KCNS3: variants seen among roughly 807,000 people sequenced by gnomAD.
KCNS3 encodes potassium voltage-gated channel modifier subfamily S member 3.
In KCNS3, 13 loss-of-function variants were observed where a neutral mutation model predicts 31.0. The ratio of observed to expected loss-of-function variants is 0.42; its 90% CI spans 0.27 to 0.67. The LOEUF (loss-of-function observed/expected upper bound fraction) is 0.67. Ranked by LOEUF, KCNS3 falls within the 30% of genes least tolerant of loss-of-function variation. KCNS3 has a pLI of 0.25. For missense variants in KCNS3, 545 were observed against 622.4 expected, an observed-to-expected ratio of 0.88 and a Z score of 1.32; for synonymous variants, 238 against 241.5, an observed-to-expected ratio of 0.99 and a Z score of 0.13.
chr2:17,909,829 G>A (rs1329381018), intron 1 of KCNS3, among the ~76,000 whole-genome samples: 1 of 152,194 alleles, frequency 6.6e-6, no homozygotes, highest in Non-Finnish European at 1.5e-5. Context: ...AATGATAGAG[G>A]GTGAGAGGAG....
intron 2 of KCNS3, among the ~76,000 whole-genome samples, chr2:17,922,372 A>G (rs920751408): frequency 2.0e-5 from 3 of 152,018 alleles, no homozygotes; most frequent in Admixed American, 6.6e-5. Context: ...TTTTTATTAT[A>G]ATTTTAAAAA....
chr2:17,913,392 A>G (rs1371645900), intron 1 of KCNS3, among the ~76,000 whole-genome samples: 1 of 152,270 alleles, frequency 6.6e-6, no homozygotes, highest in African/African-American at 2.4e-5. Context: ...TACCTGCAGA[A>G]AGCTGCAGCA....
intron 1 of KCNS3, among the ~76,000 whole-genome samples, chr2:17,907,386 G>A (rs1344211535): frequency 2.5e-4 from 38 of 152,198 alleles, no homozygotes; most frequent in East Asian, 3.9e-4. Context: ...TGAATACAGC[G>A]CACTGATGGG....
chr2:17,893,400 CGGATTA>C (rs1661905521), intron 1 of KCNS3, among the ~76,000 whole-genome samples: 1 of 152,230 alleles, frequency 6.6e-6, no homozygotes, highest in African/African-American at 2.4e-5. Flanking sequence ...GTCTGCATGC[CGGATTA>C]GGATTCGCAA....
chr2:17,922,186 A>C (rs1662732113), intron 2 of KCNS3, among the ~76,000 whole-genome samples: 1 of 151,468 alleles, frequency 6.6e-6, no homozygotes, highest in African/African-American at 2.4e-5. Context: ...ATTAGGCTTG[A>C]TTAGTGGGTT....
intron 1 of KCNS3, among the ~76,000 whole-genome samples, chr2:17,896,391 C>G (rs776470929): frequency 2.0e-5 from 3 of 151,926 alleles, no homozygotes; most frequent in Non-Finnish European, 4.4e-5. Flanking sequence ...TAGCCATCCA[C>G]GGAGGGGCAA....
At chr2:17,915,489 AAG>A (rs1474947260) in intron 1 of KCNS3, among the ~76,000 whole-genome samples, 1 of 152,018 alleles carries the variant, frequency 6.6e-6, no homozygotes, top group Non-Finnish European at 1.5e-5. Context: ...CCCAACAACT[AAG>A]AGGGATCTTG....
Position 17,931,921 on chromosome 2 carries a change from CG to C in KCNS3, c.915del (p.His306ThrfsTer3). The C allele has an allele frequency of 6.2e-7, 1 of 1,614,084 alleles. No individual in the cohort carries two copies. Among genetic ancestry groups the C allele is most frequent in the Non-Finnish European group, 8.5e-7 (1 of 1,180,002 alleles). ...MRIFRILKLA[R>X]HSVGLRSLGA... Reference sequence around the variant, plus strand: ...GATTTTCCGAATTCTAAAGCTTGCCCGGCACTCGGTAGGACTTCGGTCTCTA... The same window carrying C: ...GATTTTCCGAATTCTAAAGCTTGCCCGCACTCGGTAGGACTTCGGTCTCTA... On this transcript the variant is annotated frameshift_variant, in exon 3 of 3. Transcript: ENST00000304101. LOFTEE classifies it high-confidence loss of function. This position sits in a 1 kb window ranked among gnomAD's most constrained non-coding sequence, Gnocchi z 5.4.
At chr2:17,921,915 G>GTA (rs56064218) in intron 2 of KCNS3, among the ~76,000 whole-genome samples, 2,142 of 32,308 alleles carry the variant, frequency 0.066, 27 homozygotes, top group Non-Finnish European at 0.075. Context: ...GTGTGTGTGT[G>GTA]TATATATATA....
chr2:17,888,635 A>ATATCTATATCTATATC (rs1558446959), intron 1 of KCNS3, among the ~76,000 whole-genome samples: 2 of 28,520 alleles, frequency 7.0e-5, no homozygotes, highest in South Asian at 1.4e-3. Flanking sequence ...AAATGTATAT[A>ATATCTATATCTATATC]TATATATATA....
At position 17,932,955 on chromosome 2, in the gene KCNS3, T is replaced by C. The variant is rs1005788333; in HGVS notation, c.*471T>C. 1 of 164,864 alleles carries C rather than the reference T, an allele frequency of 6.1e-6. No individual in the cohort carries two copies. The highest frequency in any genetic ancestry group is 1.4e-5 in the Non-Finnish European group (1 of 69,510). The allele number at this position is 164,864 out of a possible 1,614,324, so 10.2% of individuals were successfully genotyped here. ...GCCTAATAAACTTCCTAATTCAGTA[T>C]GGAGAATGTCTTGGTTGTATGTTTT... On this transcript the variant is annotated 3_prime_UTR_variant, in exon 3 of 3. Coordinates refer to ENST00000304101, the MANE Select transcript of KCNS3 (RefSeq NM_002252.5).
intron 2 of KCNS3, among the ~76,000 whole-genome samples, chr2:17,930,150 G>C (rs1208908393): frequency 6.6e-6 from 1 of 152,180 alleles, no homozygotes; most frequent in Non-Finnish European, 1.5e-5. Flanking sequence ...ATAGATTAGG[G>C]CCACGTGGGG....
chr2:17,932,486 C>CG lies in KCNS3; in HGVS notation c.*7dup. ...TTGGAGAATTGCACAGCAAAATGAG[C>CG]GGGGGTGTTTGTGCCTGTTTCTCTT... On this transcript the variant is annotated 3_prime_UTR_variant, in exon 3 of 3. Coordinates refer to ENST00000304101, the MANE Select transcript of KCNS3 (RefSeq NM_002252.5). 2 of 1,602,606 alleles carry CG rather than the reference C, an allele frequency of 1.2e-6. No individual in the cohort carries two copies. Among genetic ancestry groups the CG allele is most frequent in the Non-Finnish European group, 1.7e-6 (2 of 1,174,464 alleles).
chr2:17,926,780 G>A (rs1434867003), intron 2 of KCNS3, among the ~76,000 whole-genome samples: 1 of 152,242 alleles, frequency 6.6e-6, no homozygotes, highest in African/African-American at 2.4e-5. Context: ...GTGGTGAAAG[G>A]GGCTGCTGCC....
chr2:17,901,830 T>G (rs1019360603), intron 1 of KCNS3, among the ~76,000 whole-genome samples: 9 of 152,088 alleles, frequency 5.9e-5, no homozygotes, highest in African/African-American at 2.2e-4. Flanking sequence ...AAAAATAAAA[T>G]TTGTTGGTGT....
chr2:17,929,990 A>G (rs1296709334), intron 2 of KCNS3, among the ~76,000 whole-genome samples: 1 of 152,172 alleles, frequency 6.6e-6, no homozygotes, highest in Non-Finnish European at 1.5e-5. Flanking sequence ...TATTTGTATC[A>G]TCTGTTCTGA....
intron 1 of KCNS3, among the ~76,000 whole-genome samples, chr2:17,884,266 A>T (rs1354582624): frequency 0.092 from 3,925 of 42,446 alleles, 95 homozygotes; most frequent in East Asian, 0.25. Flanking sequence ...TAAAAAAAAA[A>T]AAATATATAT....
At chr2:17,912,671 C>T (rs559795801) in intron 1 of KCNS3, among the ~76,000 whole-genome samples, 1 of 152,318 alleles carries the variant, frequency 6.6e-6, no homozygotes, top group South Asian at 2.1e-4. Flanking sequence ...TGTCTAGAAA[C>T]ATAGAGCAGG....
intron 1 of KCNS3, among the ~76,000 whole-genome samples, chr2:17,891,985 G>T (rs1469260226): frequency 6.6e-6 from 1 of 152,078 alleles, no homozygotes; most frequent in Admixed American, 6.6e-5. Flanking sequence ...TAGCATGGCC[G>T]GGGAGGTTTT....
Sources: gnomAD v4.1 joint callset for allele counts (sites outside exome capture counted in the v4.1 genomes callset) on GRCh38, gnomAD v4.1.1 for gene constraint, Gnocchi (gnomAD v3.1) non-coding constraint, MANE v1.5 for transcripts, NCBI Gene and HGNC (gene_info 2026-07-23, HGNC 2026-07-21) for gene names.